Variants in EVL observed in about 807,000 individuals in gnomAD.
EVL encodes Enah/Vasp-like, also known as ena/VASP-like protein.
EVL carries 21 observed loss-of-function variants against 59.6 expected under a neutral mutation model. The observed-to-expected ratio is 0.35, with a 90% CI of 0.25 to 0.51. The LOEUF is 0.51. Among genes scored for constraint, EVL ranks in the 20% least tolerant of loss-of-function variants. The pLI, the probability that EVL is intolerant of heterozygous loss-of-function variation, is 0.97. For synonymous variants in EVL, 198 were observed against 203.5 expected (o/e 0.97, Z 0.23); for missense variants, 462 against 546.6 (o/e 0.85, Z 1.54).
At chr14:100,092,675 C>G (rs764813898) in intron 2 of EVL, among the ~76,000 whole-genome samples, 5 of 152,144 alleles carry the variant, frequency 3.3e-5, no homozygotes, top group African/African-American at 9.7e-5. Flanking sequence ...GCAGAGGTTG[C>G]AGTGAGCTGA....
At chr14:99,983,404 G>C (rs2060820683) in intron 1 of EVL, among the ~76,000 whole-genome samples, 1 of 152,206 alleles carries the variant, frequency 6.6e-6, no homozygotes, top group African/African-American at 2.4e-5. Flanking sequence ...ACATGAGCCA[G>C]TGTGTGCCTC....
chr14:100,046,051 A>AG (rs1234326614), intron 1 of EVL, among the ~76,000 whole-genome samples: 9 of 152,300 alleles, frequency 5.9e-5, no homozygotes, highest in African/African-American at 1.9e-4. Flanking sequence ...TTGGAAAAAA[A>AG]GTGTTGAAAT....
chr14:100,113,853 G>A (rs2140351165), intron 3 of EVL, among the ~76,000 whole-genome samples: 1 of 152,266 alleles, frequency 6.6e-6, no homozygotes, highest in East Asian at 1.9e-4. Context: ...GGACAGGCAA[G>A]TTGGAGCCTG....
At chr14:99,978,356 C>T (rs2060784489) in intron 1 of EVL, among the ~76,000 whole-genome samples, 1 of 151,150 alleles carries the variant, frequency 6.6e-6, no homozygotes. Context: ...GAGCCGAGAT[C>T]GCGCCACTGC....
intron 1 of EVL, among the ~76,000 whole-genome samples, chr14:100,006,365 A>C (rs1008280341): frequency 6.6e-6 from 1 of 150,524 alleles, no homozygotes; most frequent in Admixed American, 6.6e-5. Context: ...GCTCACTGCA[A>C]CCTCCGCCTC....
intron 1 of EVL, among the ~76,000 whole-genome samples, chr14:99,992,273 G>C (rs769494725): frequency 1.3e-5 from 2 of 152,062 alleles, no homozygotes; most frequent in African/African-American, 2.4e-5. Context: ...ACCTGTTCAA[G>C]TCACTTGCTC....
chr14:100,126,718 A>G lies in EVL; in HGVS notation c.434A>G (p.Glu145Gly). The stretch of plus-strand genomic sequence containing the variant: ...TGATTACTTTCCAGACAAGTGATGG[A>G]GCAGCACCAGCAGCAGCGTCAGGAA... ...EMDIQRRQVMEQHQQQRQESL... is the reference protein window; with the variant it reads ...EMDIQRRQVMGQHQQQRQESL... The change falls in exon 5 of 14, where the codon GAG (glutamate) becomes GGG (glycine). Residue 145 changes from glutamate (E) to glycine (G), a missense_variant. Glu to Gly is a moderately conservative substitution (Grantham distance 98). Coordinates refer to ENST00000392920, the MANE Select transcript of EVL (RefSeq NM_016337.3). 6.2e-7 allele frequency: 1 copy of G among 1,614,118 alleles called. No individual in the cohort carries two copies. Among genetic ancestry groups the G allele is most frequent in the East Asian group, 2.2e-5 (1 of 44,886 alleles).
intron 1 of EVL, among the ~76,000 whole-genome samples, chr14:100,003,491 A>T (rs2060958874): frequency 6.6e-6 from 1 of 152,112 alleles, no homozygotes; most frequent in African/African-American, 2.4e-5. Context: ...ATCTCGGCTC[A>T]CTGCAACCTC....
chr14:100,004,070 G>T (rs1021215309), intron 1 of EVL, among the ~76,000 whole-genome samples: 1 of 152,222 alleles, frequency 6.6e-6, no homozygotes, highest in Admixed American at 6.5e-5. Context: ...TGCATGTGGT[G>T]ACGTGCGCCT....
intron 1 of EVL, among the ~76,000 whole-genome samples, chr14:99,988,256 A>G (rs1023475253): frequency 3.3e-5 from 5 of 152,150 alleles, no homozygotes; most frequent in African/African-American, 1.2e-4. Flanking sequence ...ATTTGAATAG[A>G]TACCTTTCTG....
chr14:100,006,134 G>A (rs1391662822), intron 1 of EVL, among the ~76,000 whole-genome samples: 2 of 151,866 alleles, frequency 1.3e-5, no homozygotes, highest in Non-Finnish European at 2.9e-5. Flanking sequence ...GTCGGATAGA[G>A]TTGATGAAAC....
At chr14:100,141,387 A>G in intron 12 of EVL, 141 bp downstream of exon 12, 1 of 834,092 alleles carries the variant, frequency 1.2e-6, no homozygotes, top group Non-Finnish European at 1.9e-6. Flanking sequence ...GCCACGGCAG[A>G]AAGGGGGTGC....
At chr14:100,071,036 T>G (rs1221349847) in intron 1 of EVL, among the ~76,000 whole-genome samples, 3 of 152,078 alleles carry the variant, frequency 2.0e-5, no homozygotes, top group Non-Finnish European at 4.4e-5. Flanking sequence ...AACAGTTGGT[T>G]GGAGTGTTTT....
chr14:100,045,736 C>T (rs1452118733), intron 1 of EVL, among the ~76,000 whole-genome samples: 1 of 152,128 alleles, frequency 6.6e-6, no homozygotes, highest in Non-Finnish European at 1.5e-5. Flanking sequence ...TCTGTCCTGC[C>T]CTGGGCAGAT....
At chr14:100,019,002 A>G (rs1019105923) in intron 1 of EVL, among the ~76,000 whole-genome samples, 75 of 152,222 alleles carry the variant, frequency 4.9e-4, no homozygotes, top group African/African-American at 1.7e-3. Flanking sequence ...TGAGATCACT[A>G]ATAAGGAGTG....
At chr14:100,054,043 T>G in intron 1 of EVL, among the ~76,000 whole-genome samples, 1 of 144,992 alleles carries the variant, frequency 6.9e-6, no homozygotes, top group Non-Finnish European at 1.5e-5. Context: ...TTTTATTATT[T>G]TTGGACTTTT....
intron 1 of EVL, chr14:100,019,671 G>T: frequency 6.5e-7 from 1 of 1,533,452 alleles, no homozygotes; most frequent in Non-Finnish European, 8.7e-7. Flanking sequence ...GGTCATGTTT[G>T]CATTTGAAGA....
intron 9 of EVL, 103 bp from the exon 10 acceptor site, chr14:100,137,468 TCTGCACC>T: frequency 8.6e-7 from 1 of 1,158,690 alleles, no homozygotes; most frequent in African/African-American, 1.5e-5. Context: ...GCCACGGGGC[TCTGCACC>T]CTTGGCATGG....
intron 1 of EVL, among the ~76,000 whole-genome samples, chr14:100,059,516 G>A (rs904484280): frequency 1.3e-5 from 2 of 152,346 alleles, no homozygotes; most frequent in East Asian, 3.9e-4. Context: ...GGGTGTGCAT[G>A]TACAGAGTGA....
Sources: gnomAD v4.1 joint callset for allele counts (sites outside exome capture counted in the v4.1 genomes callset) on GRCh38, gnomAD v4.1.1 for gene constraint, MANE v1.5 for transcripts, NCBI Gene and HGNC (gene_info 2026-07-23, HGNC 2026-07-21) for gene names.